PHF14: variants seen among roughly 807,000 people sequenced by gnomAD.
PHF14 encodes PHD finger protein 14.
In PHF14, 55 loss-of-function variants were observed where a neutral mutation model predicts 117.9. The ratio of observed to expected loss-of-function variants is 0.47; its 90% CI spans 0.38 to 0.58. The LOEUF is 0.58. Among genes scored for constraint, PHF14 ranks in the 20% least tolerant of loss-of-function variants. The pLI is 0.00. For missense variants in PHF14, 978 were observed against 1,122.2 expected, an observed-to-expected ratio of 0.87 and a Z score of 1.84; for synonymous variants, 409 against 368.6, an observed-to-expected ratio of 1.11 and a Z score of -1.26.
intron 8 of PHF14, among the ~76,000 whole-genome samples, 184 bp downstream of exon 8, chr7:11,035,970 A>G (rs545432224): frequency 1.3e-5 from 2 of 152,344 alleles, no homozygotes; most frequent in Non-Finnish European, 2.9e-5. Flanking sequence ...CTCCTCATTT[A>G]GTCAAACAGA....
chr7:11,078,176 G>A (rs770549969), intron 16 of PHF14, among the ~76,000 whole-genome samples: 2 of 152,022 alleles, frequency 1.3e-5, no homozygotes, highest in South Asian at 2.1e-4. Context: ...TCTCTAGGTG[G>A]CATGTGTGTC....
intron 17 of PHF14, among the ~76,000 whole-genome samples, chr7:11,132,631 A>C (rs1468092597): frequency 6.6e-6 from 1 of 151,764 alleles, no homozygotes; most frequent in Non-Finnish European, 1.5e-5. Flanking sequence ...TCTGGGTCAT[A>C]TGGTCTTTCT....
intron 16 of PHF14, among the ~76,000 whole-genome samples, chr7:11,084,198 A>G (rs1786284926): frequency 6.6e-6 from 1 of 152,190 alleles, no homozygotes; most frequent in East Asian, 1.9e-4. Context: ...ACTTCAAAAT[A>G]TGTACACACA....
intron 17 of PHF14, among the ~76,000 whole-genome samples, chr7:11,114,612 T>C (rs1434876957): frequency 6.6e-6 from 1 of 152,134 alleles, no homozygotes; most frequent in African/African-American, 2.4e-5. Flanking sequence ...CCCATACCCA[T>C]GAAGTATAGC....
At chr7:11,121,264 A>C (rs914427529) in intron 17 of PHF14, among the ~76,000 whole-genome samples, 2 of 152,196 alleles carry the variant, frequency 1.3e-5, no homozygotes, top group Non-Finnish European at 2.9e-5. Flanking sequence ...TCTGGAAGTT[A>C]AGGTTTTTAA....
intron 17 of PHF14, among the ~76,000 whole-genome samples, chr7:11,167,447 A>G (rs939610358): frequency 6.6e-6 from 1 of 152,234 alleles, no homozygotes; most frequent in Non-Finnish European, 1.5e-5. Flanking sequence ...TTATGTATTA[A>G]TTCAGGCATA....
At chr7:11,058,570 A>G (rs1036263624) in intron 14 of PHF14, among the ~76,000 whole-genome samples, 1 of 152,202 alleles carries the variant, frequency 6.6e-6, no homozygotes, top group African/African-American at 2.4e-5. Context: ...TCAAGTTAGT[A>G]TGTAGTATGG....
chr7:11,047,217 T>C (rs1784697914), intron 13 of PHF14, among the ~76,000 whole-genome samples: 1 of 151,844 alleles, frequency 6.6e-6, no homozygotes, highest in Admixed American at 6.5e-5. Context: ...TACAGGCGCG[T>C]GCCACCACGC....
chr7:11,064,272 T>C (rs1324269345), intron 16 of PHF14, among the ~76,000 whole-genome samples: 1 of 151,940 alleles, frequency 6.6e-6, no homozygotes, highest in Non-Finnish European at 1.5e-5. Flanking sequence ...GCATCTCATA[T>C]TTTGGAATTG....
rs374649933 is a variant in PHF14 at position 11,005,149 on chromosome 7, T to TG, written c.1046-8598_1046-8597insG. Among the ~76,000 whole-genome samples the TG allele has an allele frequency of 3.4e-3, 514 of 152,318 alleles. 1 individual carries two copies. The highest frequency in any genetic ancestry group is 0.012 in the African/African-American group (481 of 41,578). On this transcript the variant is annotated intron_variant, in intron 4 of 17. Transcript: ENST00000634607. ...ATGATAAATCTGTGGGGTAATAACT[T>TG]TGAGACTCTGTTAATATGCCATTCT...
At chr7:11,020,292 G>C (rs1783689882) in intron 5 of PHF14, among the ~76,000 whole-genome samples, 1 of 152,038 alleles carries the variant, frequency 6.6e-6, no homozygotes, top group African/African-American at 2.4e-5. Context: ...GTTTCAACCT[G>C]TTGCCCAGGC....
chr7:11,169,495 T>A lies in PHF14; in HGVS notation c.*5T>A. The A allele has an allele frequency of 1.4e-6, 2 of 1,405,922 alleles. No individual in the cohort carries two copies. Among genetic ancestry groups the A allele is most frequent in the East Asian group, 4.9e-5 (2 of 40,652 alleles). The allele number at this position is 1,405,922 out of a possible 1,614,324, so 87.1% of individuals were successfully genotyped here. A position where few individuals can be genotyped will look rare whatever the true frequency, so the allele number is the denominator to read the frequency against. On this transcript the variant is annotated 3_prime_UTR_variant, in exon 18 of 18. Coordinates refer to ENST00000634607, the MANE Select transcript of PHF14 (RefSeq NM_001007157.2). The stretch of plus-strand genomic sequence containing the variant: ...CAGAAAAATCCAAAGAAATAAAAGA[T>A]TTTCTGTAGTGTTTTTGAAAAGTTT...
chr7:10,981,657 T>C (rs1170380791), intron 2 of PHF14, among the ~76,000 whole-genome samples: 1 of 152,232 alleles, frequency 6.6e-6, no homozygotes, highest in East Asian at 1.9e-4. Flanking sequence ...ATATAGTAGT[T>C]ACTGCGTAGA....
At chr7:11,086,484 A>G (rs1269671829) in intron 16 of PHF14, among the ~76,000 whole-genome samples, 5 of 152,186 alleles carry the variant, frequency 3.3e-5, no homozygotes, top group East Asian at 3.8e-4. Context: ...GGGCTTCTCA[A>G]TCACTTATAC....
intron 16 of PHF14, chr7:11,063,005 A>G (rs1785285743): frequency 5.0e-6 from 4 of 802,856 alleles, no homozygotes; most frequent in Non-Finnish European, 6.0e-6. Context: ...AAACAAATAT[A>G]TTAGTGTTGT....
intron 16 of PHF14, among the ~76,000 whole-genome samples, chr7:11,101,739 T>C (rs1320608620): frequency 6.6e-6 from 1 of 151,820 alleles, no homozygotes; most frequent in Non-Finnish European, 1.5e-5. Context: ...TCTTAATTGT[T>C]AATATAAAAA....
At chr7:11,081,674 A>T (rs1249437357) in intron 16 of PHF14, among the ~76,000 whole-genome samples, 1 of 150,944 alleles carries the variant, frequency 6.6e-6, no homozygotes, top group Non-Finnish European at 1.5e-5. Context: ...GGCTAACAGG[A>T]TGAAACCCTG....
chr7:11,131,972 T>A (rs892639475), intron 17 of PHF14, among the ~76,000 whole-genome samples: 9 of 151,942 alleles, frequency 5.9e-5, no homozygotes, highest in East Asian at 3.9e-4. Flanking sequence ...TTTTTAAAAA[T>A]TTTTTATTGT....
chr7:11,103,233 A>G (rs1456099665), intron 16 of PHF14: 1 of 915,528 alleles, frequency 1.1e-6, no homozygotes, highest in East Asian at 1.2e-4. Flanking sequence ...TTTTAAGCTC[A>G]TGAATAAAGA....
Sources: allele counts gnomAD v4.1 joint callset (sites outside exome capture counted in the v4.1 genomes callset), GRCh38; gene constraint gnomAD v4.1.1; transcripts MANE v1.5; gene names NCBI Gene and HGNC (gene_info 2026-07-23, HGNC 2026-07-21).